Variants in RORA observed in about 807,000 individuals in gnomAD.
RORA encodes RAR related orphan receptor A, also known as nuclear receptor ROR-alpha.
A neutral mutation model predicts 69.5 loss-of-function variants in RORA; 7 were observed. The ratio of observed to expected loss-of-function variants is 0.10; its 90% CI spans 0.06 to 0.19. The LOEUF (loss-of-function observed/expected upper bound fraction) is 0.19. RORA is among the 10% of genes least tolerant of loss of function. The pLI is 1.00. For missense variants in RORA, 457 were observed against 663.0 expected, an observed-to-expected ratio of 0.69 and a Z score of 3.41; for synonymous variants, 261 against 240.8, an observed-to-expected ratio of 1.08 and a Z score of -0.78.
intron 1 of RORA, among the ~76,000 whole-genome samples, chr15:61,017,907 G>C (rs1374410439): frequency 6.6e-6 from 1 of 152,164 alleles, no homozygotes; most frequent in African/African-American, 2.4e-5. Flanking sequence ...CCTTCTGACG[G>C]GGTGAGCGGA....
intron 3 of RORA, among the ~76,000 whole-genome samples, chr15:60,517,832 G>A: frequency 6.6e-6 from 1 of 152,168 alleles, no homozygotes; most frequent in South Asian, 2.1e-4. Context: ...TTTCTTGTGT[G>A]ATCACCGAAT....
At chr15:61,206,643 G>A (rs1052866571) in intron 1 of RORA, among the ~76,000 whole-genome samples, 1 of 152,112 alleles carries the variant, frequency 6.6e-6, no homozygotes, top group Non-Finnish European at 1.5e-5. Flanking sequence ...CTTCCCGATG[G>A]AGAGAAGAAA....
chr15:60,855,715 G>T (rs556750991), intron 1 of RORA, among the ~76,000 whole-genome samples: 1 of 151,820 alleles, frequency 6.6e-6, no homozygotes, highest in South Asian at 2.1e-4. Flanking sequence ...CCGCCTCCCG[G>T]ATTTAAGCGA....
At chr15:60,592,959 C>G (rs1300990834) in intron 2 of RORA, 1 of 455,148 alleles carries the variant, frequency 2.2e-6, no homozygotes, top group Non-Finnish European at 4.4e-6. Context: ...AATGCGCCAG[C>G]TCGTTGGTGG....
chr15:61,222,479 G>A (rs1463183727), intron 1 of RORA, among the ~76,000 whole-genome samples: 2 of 152,180 alleles, frequency 1.3e-5, no homozygotes, highest in Admixed American at 6.5e-5. Context: ...TGTGAGCTAT[G>A]GTACATTTAT....
intron 2 of RORA, among the ~76,000 whole-genome samples, chr15:60,628,059 T>C (rs1267066529): frequency 1.3e-5 from 2 of 152,236 alleles, no homozygotes; most frequent in Non-Finnish European, 2.9e-5. Flanking sequence ...TACTTTATTA[T>C]CTGGTTAACG....
intron 1 of RORA, among the ~76,000 whole-genome samples, chr15:61,136,020 T>C (rs768891832): frequency 7.2e-5 from 11 of 152,146 alleles, no homozygotes; most frequent in Non-Finnish European, 1.5e-4. Context: ...GATGTCCAGG[T>C]GGTATTTGTT....
At chr15:61,099,037 G>C (rs1387587611) in intron 1 of RORA, among the ~76,000 whole-genome samples, 1 of 152,176 alleles carries the variant, frequency 6.6e-6, no homozygotes, top group Non-Finnish European at 1.5e-5. Flanking sequence ...GTCATCATCA[G>C]ACAGACCAAG....
At chr15:60,894,659 T>A (rs1891182636) in intron 1 of RORA, among the ~76,000 whole-genome samples, 1 of 152,114 alleles carries the variant, frequency 6.6e-6, no homozygotes, top group Non-Finnish European at 1.5e-5. Context: ...ATTGCTGGGC[T>A]CCCTCCCTAG....
chr15:60,889,697 C>T (rs897703309), intron 1 of RORA, among the ~76,000 whole-genome samples: 2 of 152,156 alleles, frequency 1.3e-5, no homozygotes, highest in African/African-American at 2.4e-5. Context: ...ATACACAATC[C>T]CCCAAGTTAA....
At chr15:60,897,274 C>T (rs1891254796) in intron 1 of RORA, among the ~76,000 whole-genome samples, 1 of 152,136 alleles carries the variant, frequency 6.6e-6, no homozygotes, top group Admixed American at 6.5e-5. Context: ...CCAGTTCTGC[C>T]CTAACTTATT....
intron 1 of RORA, among the ~76,000 whole-genome samples, chr15:60,727,144 A>C (rs1173735466): frequency 6.6e-6 from 1 of 152,208 alleles, no homozygotes; most frequent in Non-Finnish European, 1.5e-5. Flanking sequence ...AGCTAAGTCC[A>C]CTGCTTCATT....
rs2065155179 is a variant in RORA, at chr15:60,495,864, A to T, written c.*1591T>A. On this transcript the variant is annotated 3_prime_UTR_variant, in exon 11 of 11. Coordinates refer to ENST00000335670, the MANE Select transcript of RORA (RefSeq NM_134261.3). ...TTCCCCCACTAGGGATCATTAAAAA[A>T]AAAAAAACCATGAAATTAAACAAAA... 6.6e-6 allele frequency: 1 copy of T among 152,076 alleles called. No homozygotes were observed. The highest frequency in any genetic ancestry group is 6.5e-5 in the Admixed American group (1 of 15,272). The allele number at this position is 152,076 out of a possible 1,614,324, so 9.4% of individuals were successfully genotyped here.
chr15:60,663,045 G>A (rs937629592), intron 2 of RORA, among the ~76,000 whole-genome samples: 1 of 152,148 alleles, frequency 6.6e-6, no homozygotes, highest in East Asian at 1.9e-4. Flanking sequence ...CTTCAATTTG[G>A]TACATCACTG....
chr15:60,636,007 T>G (rs1158846093), intron 2 of RORA, among the ~76,000 whole-genome samples: 2 of 152,214 alleles, frequency 1.3e-5, no homozygotes, highest in Admixed American at 1.3e-4. Context: ...TTATGGAGTC[T>G]GTAAGACTTG....
rs117229980 is a variant in RORA at position 60,730,283 on chromosome 15, T to C, written c.167-51597A>G. Among the ~76,000 whole-genome samples the C allele has an allele frequency of 7.2e-3, 1,098 of 152,318 alleles. 7 individuals carry two copies. Among genetic ancestry groups the C allele is most frequent in the East Asian group, 0.024 (122 of 5,184 alleles). On this transcript the variant is annotated intron_variant, in intron 1 of 10. Coordinates refer to ENST00000335670, the MANE Select transcript of RORA (RefSeq NM_134261.3). ...ACACATGACACTCGGATGTGACTGT[T>C]AGCAGCTGGAAACTTTGAGGTTACC... is the stretch of plus-strand genomic sequence containing the variant.
At chr15:60,661,909 ATGCTGAGGTC>A (rs1283850069) in intron 2 of RORA, among the ~76,000 whole-genome samples, 10 of 152,308 alleles carry the variant, frequency 6.6e-5, no homozygotes, top group African/African-American at 2.4e-4. Flanking sequence ...GGACTTTAGA[ATGCTGAGGTC>A]TGTGTTAGGA....
chr15:60,885,907 C>G (rs1027134443), intron 1 of RORA, among the ~76,000 whole-genome samples: 1 of 152,350 alleles, frequency 6.6e-6, no homozygotes, highest in African/African-American at 2.4e-5. Context: ...GAGGTATGCA[C>G]AGCCTGTGCT....
intron 1 of RORA, among the ~76,000 whole-genome samples, chr15:61,138,869 G>C (rs1179190434): frequency 3.3e-5 from 5 of 152,172 alleles, no homozygotes; most frequent in East Asian, 1.9e-4. Context: ...ACACAGGCCG[G>C]GCGCAGTGGC....
Sources: gnomAD v4.1 joint callset for allele counts (sites outside exome capture counted in the v4.1 genomes callset) on GRCh38, gnomAD v4.1.1 for gene constraint, MANE v1.5 for transcripts, NCBI Gene and HGNC (gene_info 2026-07-23, HGNC 2026-07-21) for gene names.